Variants in BRCA2 observed in about 807,000 individuals in gnomAD.
The protein encoded by BRCA2 is BRCA2 DNA repair associated, also known as breast cancer type 2 susceptibility protein.
A neutral mutation model predicts 276.7 loss-of-function variants in BRCA2; 203 were observed. The ratio of observed to expected loss-of-function variants is 0.73; its 90% confidence interval spans 0.65 to 0.82. The LOEUF is 0.82. Ranked by LOEUF, BRCA2 falls within the 40% of genes least tolerant of loss-of-function variation. The pLI is 0.00. For missense variants in BRCA2, 3,920 were observed against 3,915.0 expected (o/e 1.00, Z -0.03); for synonymous variants, 1,289 against 1,338.4 (o/e 0.96, Z 0.81).
rs2137520869 is a variant in BRCA2, at chr13:32,340,135, A to G, written c.5780A>G (p.Glu1927Gly). The change falls in exon 11 of 27, where the codon GAA becomes GGA. Residue 1927 changes from glutamate to glycine, a missense_variant. Transcript: ENST00000380152. ...AAGGTTTTTGCTGACATTCAGAGTG[A>G]AGAAATTTTACAACATAACCAAAAT... Reference protein sequence around the residue: ...SHKVFADIQSEEILQHNQNMS... With the variant: ...SHKVFADIQSGEILQHNQNMS... 1 of 1,613,304 alleles carries G rather than the reference A, an allele frequency of 6.2e-7. No homozygotes were observed. Among genetic ancestry groups the G allele is most frequent in the Non-Finnish European group, 8.5e-7 (1 of 1,179,602 alleles).
intron 15 of BRCA2, among the ~76,000 whole-genome samples, chr13:32,357,391 T>A (rs1016731784): frequency 1.3e-5 from 2 of 152,220 alleles, no homozygotes; most frequent in African/African-American, 4.8e-5. Flanking sequence ...TCACATTCCC[T>A]AAAATACTTA....
intron 13 of BRCA2, among the ~76,000 whole-genome samples, chr13:32,348,638 A>C (rs995775125): frequency 6.6e-6 from 1 of 152,186 alleles, no homozygotes; most frequent in Non-Finnish European, 1.5e-5. Context: ...TGAAGTACTA[A>C]AAGATCTCTT....
At chr13:32,376,834 C>A in intron 21 of BRCA2, 43 bp downstream of exon 21, 2 of 1,609,738 alleles carry the variant, frequency 1.2e-6, no homozygotes, top group South Asian at 2.2e-5. Flanking sequence ...GATGATTATT[C>A]AAGGTGAGAA....
intron 7 of BRCA2, among the ~76,000 whole-genome samples, chr13:32,327,831 C>T (rs1593888265): frequency 6.6e-6 from 1 of 151,242 alleles, no homozygotes; most frequent in African/African-American, 2.4e-5. Context: ...TGCAGTGGCA[C>T]CGTCGCAGTT....
intron 13 of BRCA2, among the ~76,000 whole-genome samples, chr13:32,347,418 A>G (rs146779707): frequency 8.7e-4 from 133 of 152,314 alleles, no homozygotes; most frequent in African/African-American, 3.0e-3. Flanking sequence ...ATTGGCAGCA[A>G]CAGGTACTTC....
At position 32,340,347 on chromosome 13, in the gene BRCA2, C is replaced by T. The variant is rs397507819; in HGVS notation, c.5992C>T (p.Gln1998Ter). The T allele has an allele frequency of 6.2e-7, 1 of 1,613,814 alleles. No individual in the cohort carries two copies. Among genetic ancestry groups the T allele is most frequent in the Non-Finnish European group, 8.5e-7 (1 of 1,179,918 alleles). The change falls in exon 11 of 27, where the codon CAA (glutamine) becomes TAA (stop). Residue 1998 changes from glutamine (Q) to a stop codon, truncating the protein, a stop_gained. Coordinates refer to ENST00000380152, the MANE Select transcript of BRCA2 (RefSeq NM_000059.4). LOFTEE classifies it high-confidence loss of function. ...VSDASLQNARQVFSEIEDSTK... is the reference protein window; with the variant it reads ...VSDASLQNAR ...AGATGCTTCATTACAAAACGCAAGA[C>T]AAGTGTTTTCTGAAATAGAAGATAG...
rs80359660 is a variant in BRCA2, at chr13:32,356,546, G to GC, written c.7556dup (p.Arg2520SerfsTer19). On this transcript the variant is annotated frameshift_variant, in exon 15 of 27. Coordinates refer to ENST00000380152, the MANE Select transcript of BRCA2 (RefSeq NM_000059.4). LOFTEE classifies it high-confidence loss of function. ...TGTATCTTGCAAAAACATCCACTCTGCCTCGAATCTCTCTGAAAGCAGCAG... is the reference window on the plus strand; with the variant it reads ...TGTATCTTGCAAAAACATCCACTCTGCCCTCGAATCTCTCTGAAAGCAGCAG... The GC allele has an allele frequency of 6.2e-7, 1 of 1,614,216 alleles. No individual in the cohort carries two copies. The highest frequency in any genetic ancestry group is 1.7e-5 in the Admixed American group (1 of 60,026).
rs2137499777 is a variant in BRCA2 at position 32,338,121 on chromosome 13, C to T, written c.3766C>T (p.His1256Tyr). 1.9e-6 allele frequency: 3 copies of T among 1,608,168 alleles called. No individual in the cohort carries two copies. The highest frequency in any genetic ancestry group is 1.7e-5 in the Admixed American group (1 of 59,240). ...NISEETSAEV[H>Y]PISLSSSKCH... ...TAGTGAGGAAACTTCTGCAGAGGTA[C>T]ATCCAATAAGTTTATCTTCAAGTAA... is the stretch of plus-strand genomic sequence containing the variant. Residue 1256 changes from histidine to tyrosine, a missense_variant, in exon 11 of 27, where the codon CAT (histidine) becomes TAT (tyrosine). Coordinates refer to ENST00000380152, the MANE Select transcript of BRCA2 (RefSeq NM_000059.4).
intron 21 of BRCA2, 143 bp from the exon 22 acceptor site, chr13:32,379,174 T>C (rs2072894381): frequency 2.3e-5 from 16 of 689,442 alleles, no homozygotes; most frequent in Non-Finnish European, 3.6e-5. Flanking sequence ...GAGAATATTA[T>C]GTGAGAAACT....
intron 20 of BRCA2, among the ~76,000 whole-genome samples, chr13:32,374,214 A>T (rs541292609): frequency 1.3e-5 from 2 of 152,368 alleles, no homozygotes; most frequent in South Asian, 4.1e-4. Flanking sequence ...CCTGTGATAG[A>T]AGGGTCTACT....
intron 21 of BRCA2, among the ~76,000 whole-genome samples, chr13:32,377,434 A>G (rs1325281377): frequency 6.6e-6 from 1 of 152,128 alleles, no homozygotes; most frequent in African/African-American, 2.4e-5. Context: ...CCTATTAAAA[A>G]TACAAAATTA....
chr13:32,379,596 A>G, intron 22 of BRCA2, 81 bp downstream of exon 22: 3 of 1,541,746 alleles, frequency 1.9e-6, no homozygotes, highest in South Asian at 2.3e-5. Flanking sequence ...ATAAATCCAG[A>G]TAAAGTATAA....
In BRCA2 at chr13:32,340,215, A is replaced by G. The variant is rs1566233345; in HGVS notation, c.5860A>G (p.Thr1954Ala). The G allele has an allele frequency of 6.2e-7, 1 of 1,613,858 alleles. No individual in the cohort carries two copies. The highest frequency in any genetic ancestry group is 8.5e-7 in the Non-Finnish European group (1 of 1,179,810). ...KISPCDVSLE[T>A]SDICKCSIGK... The stretch of plus-strand genomic sequence containing the variant: ...ATCACCTTGTGATGTTAGTTTGGAA[A>G]CTTCAGATATATGTAAATGTAGTAT... The change falls in exon 11 of 27, where the codon ACT becomes GCT. Residue 1954 changes from threonine to alanine, a missense_variant. Physicochemically the swap from Thr to Ala is moderately conservative, Grantham distance 58. Coordinates refer to ENST00000380152, the MANE Select transcript of BRCA2 (RefSeq NM_000059.4).
chr13:32,353,375 C>CA (rs1238819949), intron 13 of BRCA2, among the ~76,000 whole-genome samples: 1 of 152,150 alleles, frequency 6.6e-6, no homozygotes, highest in African/African-American at 2.4e-5. Flanking sequence ...GAATTCTCAA[C>CA]AAAGAAGCCG....
intron 24 of BRCA2, among the ~76,000 whole-genome samples, chr13:32,383,569 T>A (rs143100818): frequency 2.8e-4 from 42 of 152,260 alleles, no homozygotes; most frequent in African/African-American, 9.4e-4. Context: ...AGTTGGAAAG[T>A]AGAATTTAAC....
intron 6 of BRCA2, 90 bp from the exon 7 acceptor site, chr13:32,326,409 C>T (rs1233380736): frequency 2.8e-6 from 4 of 1,433,498 alleles, no homozygotes; most frequent in African/African-American, 2.8e-5. Context: ...ATTCAGTAAA[C>T]GTTAAGTGAA....
intron 12 of BRCA2, among the ~76,000 whole-genome samples, chr13:32,345,100 C>T (rs2137538458): frequency 6.6e-6 from 1 of 152,146 alleles, no homozygotes; most frequent in Admixed American, 6.5e-5. Flanking sequence ...CATCTAAAAG[C>T]TTGAATTTTT....
At position 32,340,610 on chromosome 13, in the gene BRCA2, A is replaced by C. The variant is rs730881579; in HGVS notation, c.6255A>C (p.Leu2085Phe). The change falls in exon 11 of 27, where the codon TTA (leucine) becomes TTC (phenylalanine). Residue 2085 changes from leucine (L) to phenylalanine (F), a missense_variant. Transcript: ENST00000380152. Reference protein sequence around the residue: ...KVKGVLEEFDLIRTEHSLHYS... With the variant: ...KVKGVLEEFDFIRTEHSLHYS... ...AGGGAGTGTTAGAGGAATTTGATTT[A>C]ATCAGAACTGAGCATAGTCTTCACT... The C allele has an allele frequency of 6.2e-7, 1 of 1,608,032 alleles. No individual in the cohort carries two copies. Among genetic ancestry groups the C allele is most frequent in the Non-Finnish European group, 8.5e-7 (1 of 1,177,256 alleles).
At chr13:32,325,493 T>C (rs2072337973) in intron 4 of BRCA2, among the ~76,000 whole-genome samples, 1 of 152,058 alleles carries the variant, frequency 6.6e-6, no homozygotes, top group Admixed American at 6.6e-5. Flanking sequence ...TTAAAATAAA[T>C]TGTGTACTTT....
Sources: gnomAD v4.1 joint callset for allele counts (sites outside exome capture counted in the v4.1 genomes callset) on GRCh38, gnomAD v4.1.1 for gene constraint, MANE v1.5 for transcripts, NCBI Gene and HGNC (gene_info 2026-07-23, HGNC 2026-07-21) for gene names.